BLTP1: variants seen among roughly 807,000 people sequenced by gnomAD.
The protein encoded by BLTP1 is fragile site-associated protein.
chr4:122,294,367 G>T, the BLTP1 span, among the ~76,000 whole-genome samples: 2 of 152,194 alleles, frequency 1.3e-5, no homozygotes, highest in African/African-American at 4.8e-5. Context: ...CCAGCATTAG[G>T]TCGGTACCTG....
the BLTP1 span, among the ~76,000 whole-genome samples, chr4:122,350,672 T>A: frequency 6.6e-6 from 1 of 152,172 alleles, no homozygotes; most frequent in Non-Finnish European, 1.5e-5. Flanking sequence ...GATAGCTATT[T>A]TAGAAAGGGT....
At chr4:122,184,606 C>T in the BLTP1 span, 1 of 745,650 alleles carries the variant, frequency 1.3e-6, no homozygotes, top group Non-Finnish European at 1.6e-6. Context: ...TGCCATTGCA[C>T]TCCAGCCTGG....
At chr4:122,177,210 A>G in the BLTP1 span, among the ~76,000 whole-genome samples, 579 of 152,224 alleles carry the variant, frequency 3.8e-3, 4 homozygotes, top group African/African-American at 0.013. Flanking sequence ...TATCTTTTCT[A>G]TTGCTCAGGC....
chr4:122,361,574 C>T, the BLTP1 span, among the ~76,000 whole-genome samples: 6 of 152,018 alleles, frequency 3.9e-5, no homozygotes, highest in African/African-American at 7.3e-5. Context: ...TGGCCAGGAG[C>T]GGTTCAGTAA....
chr4:122,342,396 T>C, the BLTP1 span, among the ~76,000 whole-genome samples: 2 of 152,062 alleles, frequency 1.3e-5, no homozygotes, highest in Admixed American at 6.6e-5. Flanking sequence ...CACTCTGTTG[T>C]CCAGGCTGGA....
At chr4:122,207,480 T>C in the BLTP1 span, 1 of 1,513,664 alleles carries the variant, frequency 6.6e-7, no homozygotes, top group Non-Finnish European at 8.8e-7. Flanking sequence ...TAATTGAAAT[T>C]TAATGGACAT....
At chr4:122,209,744 A>G in the BLTP1 span, 1 of 1,529,664 alleles carries the variant, frequency 6.5e-7, no homozygotes. Flanking sequence ...AAATTTGATT[A>G]TCTGCAACTG....
At chr4:122,240,555 T>C in the BLTP1 span, among the ~76,000 whole-genome samples, 4 of 152,334 alleles carry the variant, frequency 2.6e-5, no homozygotes, top group South Asian at 8.3e-4. Context: ...AGAAATGGTT[T>C]ATGAGTTGCC....
the BLTP1 span, chr4:122,249,766 CA>C: frequency 5.2e-6 from 8 of 1,539,396 alleles, no homozygotes; most frequent in Non-Finnish European, 7.1e-6. Context: ...TCATGGCTTT[CA>C]GTAACCTGAA....
chr4:122,201,274 A>G, the BLTP1 span: 1 of 653,234 alleles, frequency 1.5e-6, no homozygotes, highest in Non-Finnish European at 2.4e-6. Context: ...GTTAAAGAGA[A>G]AATTTAAATA....
chr4:122,274,545 C>T, the BLTP1 span: 1 of 1,444,706 alleles, frequency 6.9e-7, no homozygotes, highest in Admixed American at 3.2e-5. Flanking sequence ...TATCAGTTCC[C>T]AGATACTGAG....
the BLTP1 span, chr4:122,281,872 TA>T: frequency 3.0e-6 from 4 of 1,332,592 alleles, no homozygotes; most frequent in Non-Finnish European, 3.9e-6. Flanking sequence ...TTATAGATAT[TA>T]TAAGTAATTT....
the BLTP1 span, chr4:122,197,512 C>G: frequency 5.0e-6 from 4 of 807,196 alleles, no homozygotes; most frequent in Admixed American, 1.2e-4. Context: ...GTATACATTT[C>G]TTTTGTAGAA....
chr4:122,293,615 C>T, the BLTP1 span, among the ~76,000 whole-genome samples: 1 of 150,340 alleles, frequency 6.7e-6, no homozygotes, highest in Non-Finnish European at 1.5e-5. Context: ...CTCGGGCACG[C>T]ACAGAGACAC....
the BLTP1 span, chr4:122,281,785 A>G: frequency 1.7e-5 from 25 of 1,505,138 alleles, no homozygotes; most frequent in Non-Finnish European, 1.6e-5. Flanking sequence ...GTAATATTGA[A>G]TTCTGAATTC....
the BLTP1 span, chr4:122,275,987 T>C: frequency 1.1e-5 from 18 of 1,566,086 alleles, no homozygotes; most frequent in Non-Finnish European, 1.4e-5. Context: ...AGGATTTTCC[T>C]ACATCTCCTA....
At chr4:122,174,114 AGAT>A in the BLTP1 span, 4 of 718,522 alleles carry the variant, frequency 5.6e-6, no homozygotes, top group Non-Finnish European at 6.8e-6. Flanking sequence ...GGATGGGGAG[AGAT>A]GACTGGAGAG....
the BLTP1 span, chr4:122,197,156 A>G: frequency 1.0e-5 from 9 of 868,914 alleles, no homozygotes; most frequent in South Asian, 1.8e-4. Context: ...GAATAATTAT[A>G]ATTAATGTTT....
At chr4:122,284,183 A>G in the BLTP1 span, among the ~76,000 whole-genome samples, 2 of 152,212 alleles carry the variant, frequency 1.3e-5, no homozygotes, top group Admixed American at 1.3e-4. Flanking sequence ...CTCAGCAACC[A>G]CATTAAACTA....
Sources: allele counts gnomAD v4.1 joint callset (sites outside exome capture counted in the v4.1 genomes callset), GRCh38; gene constraint gnomAD v4.1.1; transcripts MANE v1.5; gene names NCBI Gene and HGNC (gene_info 2026-07-23, HGNC 2026-07-21).